SORBS2: variants seen among roughly 807,000 people sequenced by gnomAD.
The protein encoded by SORBS2 is sorbin and SH3 domain containing 2.
SORBS2 carries 46 observed loss-of-function variants against 97.7 expected under a neutral mutation model. The ratio of observed to expected loss-of-function variants is 0.47; its 90% CI spans 0.37 to 0.60. SORBS2 has a LOEUF of 0.60. SORBS2 is among the 20% of genes least tolerant of loss of function. SORBS2 has a pLI of 0.00. For missense variants in SORBS2, 1,316 were observed against 1,282.3 expected, an observed-to-expected ratio of 1.03 and a Z score of -0.40; for synonymous variants, 476 against 473.4, an observed-to-expected ratio of 1.01 and a Z score of -0.07.
intron 4 of SORBS2, among the ~76,000 whole-genome samples, chr4:185,641,377 G>A (rs1407970122): frequency 6.6e-6 from 1 of 152,134 alleles, no homozygotes; most frequent in South Asian, 2.1e-4. Flanking sequence ...TGTGTTAAAG[G>A]AAGTGTTAGT....
At chr4:185,709,320 T>TTTTTTTTTTTTTTTTTTTTTTTTTTTTC (rs1181008953) in intron 2 of SORBS2, among the ~76,000 whole-genome samples, 1 of 140,978 alleles carries the variant, frequency 7.1e-6, no homozygotes, top group African/African-American at 2.7e-5. Context: ...TTTTTTTTTT[T>TTTTTTTTTTTTTTTTTTTTTTTTTTTTC]TTTTAGTAAA....
chr4:185,626,725 G>T, intron 6 of SORBS2, 107 bp downstream of exon 18: 1 of 1,020,730 alleles, frequency 9.8e-7, no homozygotes, highest in Admixed American at 1.8e-5. Context: ...TCCAGACACT[G>T]TAGGTGAGAG....
chr4:185,920,115 C>T (rs61630264), intron 1 of SORBS2, among the ~76,000 whole-genome samples: 1 of 152,082 alleles, frequency 6.6e-6, no homozygotes, highest in Admixed American at 6.5e-5. Flanking sequence ...TAGTGGTACA[C>T]AAATTTGATT....
intron 1 of SORBS2, among the ~76,000 whole-genome samples, chr4:185,798,590 T>C (rs982576245): frequency 2.6e-5 from 4 of 152,220 alleles, no homozygotes; most frequent in Non-Finnish European, 5.9e-5. Context: ...AAGTGGATCT[T>C]TCTTTGCAGA....
At chr4:185,693,868 G>A (rs7687550) in intron 2 of SORBS2, among the ~76,000 whole-genome samples, 20,628 of 152,158 alleles carry the variant, frequency 0.14, 3,049 homozygotes, top group African/African-American at 0.35. Flanking sequence ...TAGGATTAAC[G>A]AGAACAAAGA....
intron 1 of SORBS2, among the ~76,000 whole-genome samples, chr4:185,918,906 T>C (rs2099259645): frequency 6.6e-6 from 1 of 152,222 alleles, no homozygotes; most frequent in Non-Finnish European, 1.5e-5. Context: ...GCACAAATGA[T>C]CTGTATAATA....
chr4:185,873,316 C>A (rs541871962), intron 1 of SORBS2, among the ~76,000 whole-genome samples: 1 of 152,250 alleles, frequency 6.6e-6, no homozygotes, highest in Admixed American at 6.5e-5. Context: ...GCAAGAGAAA[C>A]CTGTTCTTAA....
intron 1 of SORBS2, among the ~76,000 whole-genome samples, chr4:185,805,896 C>T (rs2099151317): frequency 6.6e-6 from 1 of 152,200 alleles, no homozygotes; most frequent in African/African-American, 2.4e-5. Context: ...TATCTAATCT[C>T]CTTTCCCTCG....
chr4:185,670,092 G>GCACA (rs2153485386), intron 4 of SORBS2, among the ~76,000 whole-genome samples: 1 of 152,082 alleles, frequency 6.6e-6, no homozygotes, highest in East Asian at 1.9e-4. Context: ...GATGGCAGGT[G>GCACA]CCTGTAATCC....
At chr4:185,714,802 G>A (rs1165776672) in intron 2 of SORBS2, among the ~76,000 whole-genome samples, 1 of 152,124 alleles carries the variant, frequency 6.6e-6, no homozygotes, top group Non-Finnish European at 1.5e-5. Flanking sequence ...CCACCCCCAT[G>A]ATCCAATTAT....
intron 4 of SORBS2, among the ~76,000 whole-genome samples, chr4:185,643,600 G>C (rs2097162938): frequency 6.6e-6 from 1 of 152,160 alleles, no homozygotes; most frequent in South Asian, 2.1e-4. Context: ...GGACAATTGT[G>C]GGCCAGAAGA....
chr4:185,908,821 T>C (rs1051705547), intron 1 of SORBS2, among the ~76,000 whole-genome samples: 4 of 151,972 alleles, frequency 2.6e-5, no homozygotes, highest in Non-Finnish European at 5.9e-5. Flanking sequence ...CCATAAAACA[T>C]GAAACCATAA....
At chr4:185,837,677 G>C (rs13130579) in intron 1 of SORBS2, among the ~76,000 whole-genome samples, 31,854 of 152,058 alleles carry the variant, frequency 0.21, 3,494 homozygotes, top group South Asian at 0.34. Flanking sequence ...TCATACAAAT[G>C]TAACTGTGAC....
chr4:185,730,480 G>C (rs1344358936), intron 2 of SORBS2, among the ~76,000 whole-genome samples: 2 of 152,062 alleles, frequency 1.3e-5, no homozygotes, highest in Admixed American at 1.3e-4. Context: ...TGGGGCCCTG[G>C]AGCTCTCACT....
intron 1 of SORBS2, among the ~76,000 whole-genome samples, chr4:185,824,522 T>C (rs2099198685): frequency 6.6e-6 from 1 of 152,250 alleles, no homozygotes; most frequent in East Asian, 1.9e-4. Flanking sequence ...ACAGTTATGG[T>C]GTTACAGCTA....
intron 1 of SORBS2, among the ~76,000 whole-genome samples, chr4:185,882,585 T>G (rs1168424887): frequency 6.6e-6 from 1 of 152,170 alleles, no homozygotes; most frequent in Non-Finnish European, 1.5e-5. Flanking sequence ...TATCGGCAAG[T>G]TGATTCTAAA....
At chr4:185,732,759 C>T (rs975844848) in intron 2 of SORBS2, among the ~76,000 whole-genome samples, 1 of 152,210 alleles carries the variant, frequency 6.6e-6, no homozygotes, top group Non-Finnish European at 1.5e-5. Flanking sequence ...GAAGTCCTTC[C>T]TCACCCCCAG....
In SORBS2 at chr4:185,757,095, C is replaced by T. The variant is rs1427147607; in HGVS notation, c.-198+18132G>A. 6.7e-6 allele frequency: 4 copies of T among 593,060 alleles called. No homozygotes were observed. In the Admixed American group the frequency reaches 8.6e-5, roughly 13 times the overall value. The allele number at this position is 593,060 out of a possible 1,614,324, so 36.7% of individuals were successfully genotyped here. A position where few individuals can be genotyped will look rare whatever the true frequency, so the allele number is the denominator to read the frequency against. ...ACTTTGGGATGGTTTTCCTGTCGAA[C>T]TGCGTGGAAAAGCAGGAAGCACACT... On this transcript the variant is annotated intron_variant, in intron 2 of 20. Transcript: ENST00000284776.
At chr4:185,823,158 C>G (rs2099197833) in intron 1 of SORBS2, among the ~76,000 whole-genome samples, 1 of 152,208 alleles carries the variant, frequency 6.6e-6, no homozygotes. Flanking sequence ...TGTGACCATA[C>G]CTTCCTTCTT....
Sources: gnomAD v4.1 joint callset for allele counts (sites outside exome capture counted in the v4.1 genomes callset) on GRCh38, gnomAD v4.1.1 for gene constraint, MANE v1.5 for transcripts, NCBI Gene and HGNC (gene_info 2026-07-23, HGNC 2026-07-21) for gene names.